The following KANSL1L variants were observed in gnomAD, a reference collection of about 807,000 sequenced individuals.
KANSL1L encodes the protein KAT8 regulatory NSL complex subunit 1-like protein.
KANSL1L carries 25 observed loss-of-function variants against 108.6 expected under a neutral mutation model. That is an observed-to-expected ratio of 0.23 (90% CI 0.17 to 0.32). The LOEUF (loss-of-function observed/expected upper bound fraction) is 0.32. KANSL1L is among the 10% of genes least tolerant of loss of function. KANSL1L has a pLI of 1.00. For missense variants in KANSL1L, 1,137 were observed against 1,125.7 expected (o/e 1.01, Z -0.14); for synonymous variants, 405 against 395.1 (o/e 1.03, Z -0.30).
chr2:210,106,561 G>A (rs147903302), intron 3 of KANSL1L, among the ~76,000 whole-genome samples: 2,203 of 152,002 alleles, frequency 0.014, 65 homozygotes, highest in African/African-American at 0.051. Context: ...TTGAGGCCAG[G>A]AGTTCAACAC....
intron 2 of KANSL1L, among the ~76,000 whole-genome samples, chr2:210,132,829 G>A (rs918436803): frequency 6.6e-6 from 1 of 152,136 alleles, no homozygotes; most frequent in African/African-American, 2.4e-5. Flanking sequence ...CTCATAAAAC[G>A]AGAAGTCTTC....
At chr2:210,075,131 A>T (rs1448765196) in intron 6 of KANSL1L, among the ~76,000 whole-genome samples, 3 of 152,224 alleles carry the variant, frequency 2.0e-5, no homozygotes, top group Non-Finnish European at 2.9e-5. Flanking sequence ...AAACCTAAAA[A>T]GGAAAGCAAC....
intron 8 of KANSL1L, among the ~76,000 whole-genome samples, chr2:210,037,857 T>C (rs1166768533): frequency 2.0e-5 from 3 of 152,166 alleles, no homozygotes; most frequent in Admixed American, 1.3e-4. Flanking sequence ...AGCTAGTCCA[T>C]GTTCAAATTT....
chr2:210,146,638 T>C (rs2095267902), intron 2 of KANSL1L, among the ~76,000 whole-genome samples: 1 of 152,178 alleles, frequency 6.6e-6, no homozygotes, highest in South Asian at 2.1e-4. Context: ...CCTGTAGAGT[T>C]TTCTAAGCAA....
At chr2:210,170,915 G>A (rs910994673) in intron 1 of KANSL1L, among the ~76,000 whole-genome samples, 17 of 150,058 alleles carry the variant, frequency 1.1e-4, no homozygotes, top group Middle Eastern at 3.4e-3. Context: ...AGCTGCCAAG[G>A]CTGTTAGGTT....
chr2:210,153,662 A>T lies in KANSL1L; in HGVS notation c.921T>A (p.Asp307Glu), dbSNP rs1421150337. Reference protein sequence around the residue: ...NTLTAENKLWDDAKNGFARCT... With the variant: ...NTLTAENKLWEDAKNGFARCT... Reference sequence around the variant, plus strand: ...ACCGTGCAAAGCCATTTTTTGCATCATCCCACAATTTATTCTCTGCAGTCA... The same window carrying T: ...ACCGTGCAAAGCCATTTTTTGCATCTTCCCACAATTTATTCTCTGCAGTCA... The change falls in exon 2 of 15, where the codon GAT becomes GAA. Residue 307 changes from aspartate to glutamate, a missense_variant. By Grantham distance (45) the Asp-to-Glu change is conservative. Around this residue, in one of 3 missense-constraint regions of KANSL1L, gnomAD observed 556 missense variants for 537.7 expected, o/e 1.03. Coordinates refer to ENST00000281772, the MANE Select transcript of KANSL1L (RefSeq NM_152519.4). 6.2e-7 allele frequency: 1 copy of T among 1,609,668 alleles called. No homozygotes were observed. The highest frequency in any genetic ancestry group is 1.1e-5 in the South Asian group (1 of 90,202).
chr2:210,032,515 G>A (rs2094032766), intron 8 of KANSL1L: 1 of 152,180 alleles, frequency 6.6e-6, no homozygotes. Flanking sequence ...CCACAAGAAA[G>A]GAAAACTGGG....
intron 2 of KANSL1L, among the ~76,000 whole-genome samples, chr2:210,146,014 G>A (rs966201957): frequency 6.6e-6 from 1 of 152,078 alleles, no homozygotes; most frequent in Non-Finnish European, 1.5e-5. Flanking sequence ...GGTAGAGGGT[G>A]CAACCACATC....
At chr2:210,160,987 T>G (rs77103033) in intron 1 of KANSL1L, among the ~76,000 whole-genome samples, 2 of 142,960 alleles carry the variant, frequency 1.4e-5, no homozygotes, top group African/African-American at 2.6e-5. Flanking sequence ...TACGGCCAAT[T>G]TTTTTTTTTT....
intron 3 of KANSL1L, among the ~76,000 whole-genome samples, chr2:210,115,104 C>T (rs1400942842): frequency 1.3e-5 from 2 of 151,898 alleles, no homozygotes; most frequent in African/African-American, 4.8e-5. Context: ...TTAGTAATTA[C>T]GTTAAGTGTA....
chr2:210,074,190 T>C lies in KANSL1L; in HGVS notation c.1755+1362A>G, dbSNP rs144005403. ...GAGATAAGCTGAGGGTAACAGAATT[T>C]GCTATTCTCCATCACTTTTTTCATC... On this transcript the variant is annotated intron_variant, in intron 6 of 14. Coordinates refer to ENST00000281772, the MANE Select transcript of KANSL1L (RefSeq NM_152519.4). Among the ~76,000 whole-genome samples the C allele has an allele frequency of 9.4e-3, 1,431 of 152,234 alleles. 22 individuals are homozygous for C. The highest frequency in any genetic ancestry group is 0.03 in the African/African-American group (1,228 of 41,522).
At chr2:210,037,910 T>G (rs562976209) in intron 8 of KANSL1L, among the ~76,000 whole-genome samples, 1 of 152,258 alleles carries the variant, frequency 6.6e-6, no homozygotes, top group East Asian at 1.9e-4. Context: ...ACAGCAGGCT[T>G]ATTCAAATCA....
intron 4 of KANSL1L, among the ~76,000 whole-genome samples, chr2:210,103,373 G>A (rs1291553283): frequency 2.6e-5 from 4 of 152,158 alleles, no homozygotes; most frequent in African/African-American, 9.7e-5. Flanking sequence ...TAATGTAAAT[G>A]ACGAGTTAAT....
At chr2:210,100,308 C>T (rs930378425) in intron 4 of KANSL1L, among the ~76,000 whole-genome samples, 1 of 152,154 alleles carries the variant, frequency 6.6e-6, no homozygotes, top group African/African-American at 2.4e-5. Flanking sequence ...TTGTCTTCTA[C>T]AAAACCAGTA....
At chr2:210,163,371 T>C (rs994852079) in intron 1 of KANSL1L, among the ~76,000 whole-genome samples, 1 of 152,002 alleles carries the variant, frequency 6.6e-6, no homozygotes, top group African/African-American at 2.4e-5. Flanking sequence ...AAAAATAATG[T>C]CTTTGATGGG....
At chr2:210,029,253 CTT>C (rs1280618012) in intron 10 of KANSL1L, 7 of 281,098 alleles carry the variant, frequency 2.5e-5, no homozygotes, top group African/African-American at 6.7e-5. Flanking sequence ...ATGCAAAACT[CTT>C]TATCAGAAAA....
intron 2 of KANSL1L, among the ~76,000 whole-genome samples, chr2:210,143,403 C>G (rs2095243740): frequency 6.6e-6 from 1 of 152,120 alleles, no homozygotes; most frequent in Non-Finnish European, 1.5e-5. Context: ...CATTCACTGA[C>G]TATATATGTT....
intron 5 of KANSL1L, among the ~76,000 whole-genome samples, chr2:210,083,291 T>C (rs532948103): frequency 4.6e-5 from 7 of 152,088 alleles, no homozygotes; most frequent in Non-Finnish European, 1.0e-4. Context: ...AGCCACAAAA[T>C]TAGTGGCTTA....
intron 8 of KANSL1L, among the ~76,000 whole-genome samples, chr2:210,035,690 GCTGGTCTTAAACT>G (rs1374210043): frequency 1.3e-5 from 2 of 152,138 alleles, no homozygotes; most frequent in East Asian, 3.9e-4. Context: ...TGTTGCCAAG[GCTGGTCTTAAACT>G]CCTGACCTCA....
Sources: gnomAD v4.1 joint callset for allele counts (sites outside exome capture counted in the v4.1 genomes callset) on GRCh38, gnomAD v4.1.1 for gene constraint, gnomAD v4.1.1 regional missense constraint, MANE v1.5 for transcripts, NCBI Gene and HGNC (gene_info 2026-07-23, HGNC 2026-07-21) for gene names.